Variants in PKNOX2 observed in about 807,000 individuals in gnomAD.
PKNOX2 encodes the protein homeobox protein PKNOX2.
Under a neutral mutation model 53.1 loss-of-function variants are expected in PKNOX2, and 14 were observed. The ratio of observed to expected loss-of-function variants is 0.26; its 90% CI spans 0.17 to 0.41. PKNOX2 has a LOEUF of 0.41. PKNOX2 is among the 10% of genes least tolerant of loss of function. PKNOX2 has a pLI of 1.00. For missense variants in PKNOX2, 496 were observed against 602.8 expected (o/e 0.82, Z 1.85); for synonymous variants, 257 against 242.8 (o/e 1.06, Z -0.54).
intron 1 of PKNOX2, among the ~76,000 whole-genome samples, chr11:125,196,970 G>A (rs750604927): frequency 1.3e-5 from 2 of 152,132 alleles, no homozygotes; most frequent in Admixed American, 6.5e-5. Context: ...TACCCTATTG[G>A]GTAAAGCCGT....
At chr11:125,233,528 C>A (rs1211234628) in intron 1 of PKNOX2, among the ~76,000 whole-genome samples, 1 of 152,204 alleles carries the variant, frequency 6.6e-6, no homozygotes, top group African/African-American at 2.4e-5. Context: ...AGGCTGGGCA[C>A]TCTGCTAGGT....
intron 1 of PKNOX2, among the ~76,000 whole-genome samples, chr11:125,167,343 AC>A (rs1436112762): frequency 6.6e-6 from 1 of 152,024 alleles, no homozygotes; most frequent in Non-Finnish European, 1.5e-5. Flanking sequence ...ACGACCCACG[AC>A]CCACGAGTGG....
At chr11:125,230,272 CTATT>C (rs1387698430) in intron 1 of PKNOX2, among the ~76,000 whole-genome samples, 1 of 152,222 alleles carries the variant, frequency 6.6e-6, no homozygotes, top group African/African-American at 2.4e-5. Flanking sequence ...GTAATTATAT[CTATT>C]TAATTACATA....
At chr11:125,235,158 G>A (rs1367299674) in intron 2 of PKNOX2, 43 bp downstream of exon 2, 1 of 152,730 alleles carries the variant, frequency 6.5e-6, no homozygotes, top group Non-Finnish European at 1.5e-5. Flanking sequence ...ACTCAATAAG[G>A]TTAGGGGTTA....
chr11:125,425,347 G>C (rs1453094283), intron 10 of PKNOX2, among the ~76,000 whole-genome samples: 1 of 152,226 alleles, frequency 6.6e-6, no homozygotes, highest in East Asian at 1.9e-4. Context: ...CCCTGAGAAG[G>C]CTCTGTCATC....
intron 10 of PKNOX2, among the ~76,000 whole-genome samples, chr11:125,415,734 C>T (rs1423344376): frequency 2.0e-5 from 3 of 152,144 alleles, no homozygotes; most frequent in South Asian, 2.1e-4. Flanking sequence ...GAAAGAAGAG[C>T]GGAAAGGGTA....
intron 5 of PKNOX2, among the ~76,000 whole-genome samples, chr11:125,378,198 G>A (rs555540621): frequency 6.6e-6 from 1 of 152,310 alleles, no homozygotes; most frequent in South Asian, 2.1e-4. Flanking sequence ...CTGGAAAGGC[G>A]AACTTTTAGC....
At chr11:125,401,766 A>AGAGT (rs1555170945) in intron 7 of PKNOX2, among the ~76,000 whole-genome samples, 54 of 149,268 alleles carry the variant, frequency 3.6e-4, no homozygotes, top group East Asian at 9.9e-4. Flanking sequence ...GGAGCTTGTG[A>AGAGT]GTGTGTGTGT....
At chr11:125,301,946 C>T (rs761994070) in intron 2 of PKNOX2, among the ~76,000 whole-genome samples, 6 of 152,210 alleles carry the variant, frequency 3.9e-5, no homozygotes, top group Non-Finnish European at 8.8e-5. Flanking sequence ...GTGCAAAGTT[C>T]GGGGCATGGT....
chr11:125,263,622 C>T (rs1194482375), intron 2 of PKNOX2, among the ~76,000 whole-genome samples: 1 of 152,258 alleles, frequency 6.6e-6, no homozygotes, highest in East Asian at 1.9e-4. Context: ...GGCTGAGGAG[C>T]AGCGCGGGAG....
chr11:125,165,896 G>A lies in PKNOX2; in HGVS notation c.-201+1120G>A, dbSNP rs962167476. Among the ~76,000 whole-genome samples, 2 of 152,182 alleles carry A rather than the reference G, an allele frequency of 1.3e-5. No individual in the cohort carries two copies. Among genetic ancestry groups the A allele is most frequent in the African/African-American group, 4.8e-5 (2 of 41,434 alleles). ...TTGCATTTCTTTCGGGTTAGGAGAC[G>A]GGCTTTCCTGGCTCCCGATCCCCAG... On this transcript the variant is annotated intron_variant, in intron 1 of 12. Transcript: ENST00000298282. The surrounding 1 kb of genome is among the most constrained non-coding windows in gnomAD (Gnocchi z 4.5).
chr11:125,258,258 C>T (rs534209155), intron 2 of PKNOX2, among the ~76,000 whole-genome samples: 1 of 152,224 alleles, frequency 6.6e-6, no homozygotes, highest in Middle Eastern at 3.4e-3. Flanking sequence ...ACTTTTTCCC[C>T]CTCTTTCCCA....
chr11:125,277,674 G>T (rs1591509569), intron 2 of PKNOX2: 1 of 152,136 alleles, frequency 6.6e-6, no homozygotes, highest in Admixed American at 6.5e-5. Context: ...AATAAAATTA[G>T]ATAGAAGGAA....
chr11:125,402,517 G>A (rs1954811253), intron 7 of PKNOX2, among the ~76,000 whole-genome samples: 1 of 152,184 alleles, frequency 6.6e-6, no homozygotes, highest in Admixed American at 6.5e-5. Context: ...TCATTCAATT[G>A]CCAAGCGTTT....
intron 1 of PKNOX2, among the ~76,000 whole-genome samples, chr11:125,228,697 G>T (rs1941934682): frequency 6.6e-6 from 1 of 152,210 alleles, no homozygotes. Flanking sequence ...TGCATAGAGA[G>T]AAAAAACCCT....
chr11:125,322,680 G>A (rs1201101019), intron 2 of PKNOX2, among the ~76,000 whole-genome samples: 1 of 152,144 alleles, frequency 6.6e-6, no homozygotes, highest in Admixed American at 6.5e-5. Flanking sequence ...GCTGGAAGGG[G>A]GAGCAGTTAG....
rs557377471 is a variant in PKNOX2 at position 125,324,716 on chromosome 11, G to T, written c.-129-7103G>T. Among the ~76,000 whole-genome samples, 3 of 152,308 alleles carry T rather than the reference G, an allele frequency of 2.0e-5. No individual in the cohort carries two copies. The East Asian group carries it at 5.8e-4, about 29-fold the overall frequency. ...ATGTGGCTGTGGAGATGGAAAGGAA[G>T]AAAATGTAGCTCACTCTATCTGGTG... On this transcript the variant is annotated intron_variant, in intron 2 of 12. Coordinates refer to ENST00000298282, the MANE Select transcript of PKNOX2 (RefSeq NM_001382323.2).
intron 2 of PKNOX2, among the ~76,000 whole-genome samples, chr11:125,306,364 G>C (rs1948457481): frequency 6.6e-6 from 1 of 152,188 alleles, no homozygotes; most frequent in Admixed American, 6.5e-5. Context: ...GGAGCTCACT[G>C]ATGCAGGTTT....
chr11:125,240,495 G>GGA lies in PKNOX2; in HGVS notation c.-130+5387_-130+5388dup, dbSNP rs1408334844. On this transcript the variant is annotated intron_variant, in intron 2 of 12. Coordinates refer to ENST00000298282, the MANE Select transcript of PKNOX2 (RefSeq NM_001382323.2). The surrounding 1 kb of genome is among the most constrained non-coding windows in gnomAD (Gnocchi z 4.3). Reference sequence around the variant, plus strand: ...GGGAGGAGAGAGAAGAGGTGGAAAGGGAGAGAGACCCTTTCCCGCTGCAAG... The same window carrying GGA: ...GGGAGGAGAGAGAAGAGGTGGAAAGGGAGAGAGAGACCCTTTCCCGCTGCAAG... 6.6e-6 allele frequency among the ~76,000 whole-genome samples: 1 copy of GGA among 152,122 alleles called. No individual in the cohort carries two copies. The highest frequency in any genetic ancestry group is 1.5e-5 in the Non-Finnish European group (1 of 68,018).
Sources: allele counts gnomAD v4.1 joint callset (sites outside exome capture counted in the v4.1 genomes callset), GRCh38; gene constraint gnomAD v4.1.1; non-coding constraint Gnocchi (gnomAD v3.1); transcripts MANE v1.5; gene names NCBI Gene and HGNC (gene_info 2026-07-23, HGNC 2026-07-21).